The following FTO variants were observed in gnomAD, a reference collection of about 807,000 sequenced individuals.
FTO encodes the protein alpha-ketoglutarate-dependent dioxygenase FTO.
FTO carries 47 observed loss-of-function variants against 63.9 expected under a neutral mutation model. The observed-to-expected ratio is 0.74, with a 90% CI of 0.58 to 0.94. The LOEUF is 0.94. Among genes scored for constraint, FTO ranks in the 40% least tolerant of loss-of-function variants. The probability of loss-of-function intolerance (pLI) is 0.00; values close to 1 mark genes in which losing one functional copy is unlikely to be tolerated. For synonymous variants in FTO, 207 were observed against 224.4 expected (o/e 0.92, Z 0.69); for missense variants, 562 against 618.1 (o/e 0.91, Z 0.96).
At chr16:53,834,698 A>T (rs2079242470) in intron 3 of FTO, among the ~76,000 whole-genome samples, 1 of 152,230 alleles carries the variant, frequency 6.6e-6, no homozygotes. Flanking sequence ...AGGTTTGCTA[A>T]GGAAAAAAAA....
chr16:54,016,779 A>G (rs2084459363), intron 8 of FTO, among the ~76,000 whole-genome samples: 1 of 152,122 alleles, frequency 6.6e-6, no homozygotes, highest in African/African-American at 2.4e-5. Flanking sequence ...GGAGCATCTC[A>G]TGGCTTTGTT....
At chr16:53,850,457 T>A (rs548889764) in intron 4 of FTO, among the ~76,000 whole-genome samples, 355 of 152,332 alleles carry the variant, frequency 2.3e-3, no homozygotes, top group African/African-American at 5.9e-3. Context: ...TGATTTTTTT[T>A]AAATTTTTAT....
chr16:53,808,417 G>T (rs1269212663), intron 1 of FTO, among the ~76,000 whole-genome samples: 2 of 152,092 alleles, frequency 1.3e-5, no homozygotes, highest in African/African-American at 4.8e-5. Flanking sequence ...CAAAACAAAG[G>T]CTTTGACTAA....
At chr16:53,899,279 G>T (rs1467490851) in intron 7 of FTO, among the ~76,000 whole-genome samples, 1 of 151,412 alleles carries the variant, frequency 6.6e-6, no homozygotes, top group Non-Finnish European at 1.5e-5. Flanking sequence ...GTTTCCCAGA[G>T]TACCAGTGTT....
intron 8 of FTO, among the ~76,000 whole-genome samples, chr16:53,997,266 A>G (rs2083957525): frequency 1.3e-5 from 2 of 152,132 alleles, no homozygotes; most frequent in African/African-American, 4.8e-5. Context: ...ATCTCGTGAG[A>G]ACTCAATCAC....
intron 3 of FTO, among the ~76,000 whole-genome samples, chr16:53,840,456 C>T (rs1460386050): frequency 6.6e-6 from 1 of 152,132 alleles, no homozygotes; most frequent in African/African-American, 2.4e-5. Context: ...CTAAAATGTG[C>T]AGTAGACATC....
At chr16:53,766,258 C>T (rs578236526) in intron 1 of FTO, among the ~76,000 whole-genome samples, 2 of 152,172 alleles carry the variant, frequency 1.3e-5, no homozygotes, top group Non-Finnish European at 2.9e-5. Context: ...TGGGGTCTCA[C>T]TCTGTTGCCC....
intron 1 of FTO, among the ~76,000 whole-genome samples, chr16:53,719,351 C>T (rs907139924): frequency 2.0e-5 from 3 of 151,512 alleles, no homozygotes; most frequent in South Asian, 4.2e-4. Context: ...CCTGCTTCAG[C>T]CCCCCGAGTA....
intron 4 of FTO, among the ~76,000 whole-genome samples, chr16:53,856,276 A>G (rs9936319): frequency 0.37 from 55,876 of 151,496 alleles, 13,141 homozygotes; most frequent in East Asian, 0.75. Flanking sequence ...AGTCAGTCCC[A>G]GCAGCACGTT....
intron 7 of FTO, among the ~76,000 whole-genome samples, chr16:53,924,107 A>C (rs976682658): frequency 3.3e-5 from 5 of 152,312 alleles, no homozygotes; most frequent in East Asian, 3.9e-4. Context: ...TTCCCCCAAG[A>C]CTTCATACAC....
chr16:53,857,088 A>G (rs1238961199), intron 4 of FTO, among the ~76,000 whole-genome samples: 1 of 151,606 alleles, frequency 6.6e-6, no homozygotes, highest in South Asian at 2.1e-4. Context: ...TTTTTCTCCC[A>G]GCTTTTATTT....
intron 8 of FTO, among the ~76,000 whole-genome samples, chr16:54,029,690 A>AT (rs1165585327): frequency 1.3e-5 from 2 of 152,042 alleles, no homozygotes; most frequent in Admixed American, 6.6e-5. Context: ...TCTAATCCTG[A>AT]TTTTTTTGCT....
intron 1 of FTO, among the ~76,000 whole-genome samples, chr16:53,766,765 A>G (rs548361180): frequency 6.6e-6 from 1 of 151,282 alleles, no homozygotes; most frequent in Non-Finnish European, 1.5e-5. Context: ...TTCATGAATC[A>G]TTGTTGTTCT....
intron 8 of FTO, among the ~76,000 whole-genome samples, chr16:53,955,158 G>A (rs1478929083): frequency 6.6e-6 from 1 of 152,102 alleles, no homozygotes; most frequent in Non-Finnish European, 1.5e-5. Context: ...TTGTATCTGA[G>A]TATCCAGTTG....
rs1016337772 is a variant in FTO, at chr16:53,844,202, C to A, written c.799C>A (p.Pro267Thr). 29 of 1,613,476 alleles carry A rather than the reference C, an allele frequency of 1.8e-5. No homozygotes were observed. The highest frequency in any genetic ancestry group is 2.5e-5 in the Non-Finnish European group (29 of 1,179,664). Residue 267 changes from proline to threonine, a missense_variant, in exon 4 of 9, where the codon CCT (proline) becomes ACT (threonine). Transcript: ENST00000471389. ...TGACTCTCATCTCGAAGGCAGGGAT[C>A]CTGATATTTGGCATGTTGGTTTTAA... ...EDDSHLEGRD[P>T]DIWHVGFKIS...
At chr16:54,053,668 T>C (rs1218754707) in intron 8 of FTO, among the ~76,000 whole-genome samples, 2 of 152,188 alleles carry the variant, frequency 1.3e-5, no homozygotes, top group Non-Finnish European at 2.9e-5. Flanking sequence ...TTTGTTGGGC[T>C]CCAAGGAAGT....
intron 7 of FTO, among the ~76,000 whole-genome samples, chr16:53,890,671 C>T (rs893082782): frequency 6.6e-6 from 1 of 152,142 alleles, no homozygotes; most frequent in African/African-American, 2.4e-5. Context: ...AGACCTGAAT[C>T]GATGCAAAAC....
chr16:53,770,128 A>G (rs2077300521), intron 1 of FTO, among the ~76,000 whole-genome samples: 1 of 152,210 alleles, frequency 6.6e-6, no homozygotes, highest in African/African-American at 2.4e-5. Flanking sequence ...AACTCCAGAC[A>G]TAAAATTGCA....
intron 8 of FTO, among the ~76,000 whole-genome samples, chr16:54,022,265 A>T (rs2084620509): frequency 2.0e-5 from 3 of 152,220 alleles, no homozygotes; most frequent in Admixed American, 2.0e-4. Flanking sequence ...ATATGGAGCA[A>T]ATTAGACAGT....
Sources: gnomAD v4.1 joint callset for allele counts (sites outside exome capture counted in the v4.1 genomes callset) on GRCh38, gnomAD v4.1.1 for gene constraint, MANE v1.5 for transcripts, NCBI Gene and HGNC (gene_info 2026-07-23, HGNC 2026-07-21) for gene names.